ITPRID1: variants seen among roughly 807,000 people sequenced by gnomAD.
ITPRID1 encodes the protein ITPR interacting domain containing 1, also known as protein ITPRID1.
ITPRID1 carries 96 observed loss-of-function variants against 95.4 expected under a neutral mutation model. That is an observed-to-expected ratio of 1.01 (90% CI 0.85 to 1.19). The LOEUF (loss-of-function observed/expected upper bound fraction) is 1.19, where lower values mean the gene tolerates loss of function less well. Ranked by LOEUF, ITPRID1 falls within the 50% of genes most tolerant of loss-of-function variation. The pLI is 0.00. For missense variants in ITPRID1, 1,339 were observed against 1,252.9 expected (o/e 1.07, Z -1.04); for synonymous variants, 510 against 453.6 (o/e 1.12, Z -1.58).
downstream of ITPRID1, chr7:31,658,471 T>C (rs1427537547): frequency 9.3e-6 from 12 of 1,287,104 alleles, no homozygotes. Context: ...TGTAAAGAGG[T>C]TAGAGTATCA....
In ITPRID1 at chr7:31,599,603, TTC is replaced by T. The variant is rs1491409471; in HGVS notation, c.1228+16414_1228+16415del. ...TGTGTTATTTTCTTTCTTTCTTTCT[TTC>T]TTTCTTTCTTTCTTTCTTTCTTTCT... is the stretch of plus-strand genomic sequence containing the variant. On this transcript the variant is annotated intron_variant, in intron 10 of 14. Coordinates refer to ENST00000615280, the MANE Select transcript of ITPRID1 (RefSeq NM_001257967.3). Among the ~76,000 whole-genome samples, 102 of 76,346 alleles carry T rather than the reference TTC, an allele frequency of 1.3e-3. 2 individuals carry two copies. Among genetic ancestry groups the T allele is most frequent in the African/African-American group, 3.3e-3 (69 of 20,818 alleles). 50.1% of individuals were successfully genotyped at this position (76,346 alleles called of 152,430 possible). A position where few individuals can be genotyped will look rare whatever the true frequency, so the allele number is the denominator to read the frequency against.
At chr7:31,646,546 C>G (rs921348480) in intron 12 of ITPRID1, among the ~76,000 whole-genome samples, 1 of 152,164 alleles carries the variant, frequency 6.6e-6, no homozygotes, top group East Asian at 1.9e-4. Flanking sequence ...AAACCTGGGC[C>G]AGCTCCAGGG....
intron 10 of ITPRID1, among the ~76,000 whole-genome samples, chr7:31,634,265 T>C (rs2128198453): frequency 6.6e-6 from 1 of 152,338 alleles, no homozygotes; most frequent in Non-Finnish European, 1.5e-5. Flanking sequence ...CTGAAAATGG[T>C]AATTTCTAAT....
At chr7:31,516,910 T>C (rs1366052350) in intron 1 of ITPRID1, among the ~76,000 whole-genome samples, 2 of 152,200 alleles carry the variant, frequency 1.3e-5, no homozygotes, top group Non-Finnish European at 2.9e-5. Context: ...TGTCCAGAGT[T>C]TGTCCCTTCT....
At chr7:31,598,453 G>C (rs1786190665) in intron 10 of ITPRID1, among the ~76,000 whole-genome samples, 1 of 143,674 alleles carries the variant, frequency 7.0e-6, no homozygotes, top group African/African-American at 2.6e-5. Context: ...ACCCAGGCTG[G>C]AGTGCAGTGG....
chr7:31,628,463 T>G (rs2128189846), intron 10 of ITPRID1, among the ~76,000 whole-genome samples: 1 of 151,462 alleles, frequency 6.6e-6, no homozygotes, highest in East Asian at 1.9e-4. Flanking sequence ...TTTTTTTTCT[T>G]TTTTTTTCTT....
intron 10 of ITPRID1, among the ~76,000 whole-genome samples, chr7:31,615,848 G>A (rs1296136309): frequency 6.6e-6 from 1 of 151,834 alleles, no homozygotes; most frequent in Non-Finnish European, 1.5e-5. Context: ...CTGCCTCCTG[G>A]GTTCACGCCA....
At chr7:31,608,859 C>T (rs1286967175) in intron 10 of ITPRID1, among the ~76,000 whole-genome samples, 5 of 151,162 alleles carry the variant, frequency 3.3e-5, no homozygotes, top group African/African-American at 1.2e-4. Context: ...CCTTATTATC[C>T]TGGAAATAGA....
At chr7:31,554,806 A>G in intron 4 of ITPRID1, 52 bp from the exon 5 acceptor site, 2 of 1,410,224 alleles carry the variant, frequency 1.4e-6, no homozygotes, top group Non-Finnish European at 2.0e-6. Context: ...GTAATTTAGT[A>G]TAATTTATTT....
chr7:31,547,052 G>A (rs910548674), intron 1 of ITPRID1, among the ~76,000 whole-genome samples: 1 of 151,412 alleles, frequency 6.6e-6, no homozygotes, highest in Non-Finnish European at 1.5e-5. Context: ...ATGATGTGGT[G>A]AACGACATCA....
chr7:31,640,301 G>T (rs892419204), intron 10 of ITPRID1, among the ~76,000 whole-genome samples: 3 of 152,204 alleles, frequency 2.0e-5, no homozygotes, highest in African/African-American at 7.2e-5. Context: ...GATCCTTTCT[G>T]ATGGTTCTCT....
intron 1 of ITPRID1, among the ~76,000 whole-genome samples, chr7:31,529,223 C>G (rs752712832): frequency 1.3e-5 from 2 of 152,206 alleles, no homozygotes; most frequent in Non-Finnish European, 2.9e-5. Context: ...AATTGAATCT[C>G]TCCATCCTGA....
chr7:31,535,534 T>C (rs1783730996), intron 1 of ITPRID1, among the ~76,000 whole-genome samples: 1 of 152,018 alleles, frequency 6.6e-6, no homozygotes, highest in South Asian at 2.1e-4. Context: ...ATAACAGAAA[T>C]AACTTTGAAG....
At position 31,577,938 on chromosome 7, in the gene ITPRID1, T is replaced by C. The variant is rs1785244997; in HGVS notation, c.674T>C (p.Leu225Pro). Residue 225 changes from leucine to proline, a missense_variant, in exon 9 of 15, where the codon CTG becomes CCG. Coordinates refer to ENST00000615280, the MANE Select transcript of ITPRID1 (RefSeq NM_001257967.3). ...FSSLLSDVSILPNRAEEKAGG... is the reference protein window; with the variant it reads ...FSSLLSDVSIPPNRAEEKAGG... Reference sequence around the variant, plus strand: ...TCTCTGCTGAGTGATGTCAGCATCCTGCCAAACAGAGCTGAAGAGAAAGCT... The same window carrying C: ...TCTCTGCTGAGTGATGTCAGCATCCCGCCAAACAGAGCTGAAGAGAAAGCT... 6.2e-7 allele frequency: 1 copy of C among 1,613,590 alleles called. No individual in the cohort carries two copies. The highest frequency in any genetic ancestry group is 2.2e-5 in the East Asian group (1 of 44,830).
At chr7:31,650,182 A>T (rs1444259536) in intron 12 of ITPRID1, among the ~76,000 whole-genome samples, 1 of 152,206 alleles carries the variant, frequency 6.6e-6, no homozygotes, top group Non-Finnish European at 1.5e-5. Flanking sequence ...TAAGAAATAC[A>T]TATTTACAAT....
In ITPRID1 at chr7:31,643,194, G is replaced by A; in HGVS notation, c.1824G>A (p.Lys608=). ...CTGGAAATGATCATACTCAAGACAA[G>A]TTCCTTCATGTTGACTCTGAGGCCC... ...RSPGNDHTQD[K]FLHVDSEAPR... is the part of the protein sequence containing the mutation. The change falls in exon 12 of 15, where the codon AAG becomes AAA. Residue 608 remains lysine, a synonymous_variant. Coordinates refer to ENST00000615280, the MANE Select transcript of ITPRID1 (RefSeq NM_001257967.3). The A allele has an allele frequency of 2.5e-6, 4 of 1,613,962 alleles. No individual in the cohort carries two copies. Among genetic ancestry groups the A allele is most frequent in the Admixed American group, 1.7e-5 (1 of 60,022 alleles).
At chr7:31,564,777 G>C (rs1784739382) in intron 5 of ITPRID1, among the ~76,000 whole-genome samples, 1 of 152,092 alleles carries the variant, frequency 6.6e-6, no homozygotes, top group African/African-American at 2.4e-5. Flanking sequence ...GAAGCAAGTG[G>C]GATAGCGACG....
intron 10 of ITPRID1, among the ~76,000 whole-genome samples, chr7:31,635,413 G>A (rs1217241106): frequency 1.3e-5 from 2 of 152,136 alleles, no homozygotes; most frequent in African/African-American, 4.8e-5. Context: ...AGATAAATAA[G>A]CCTCTACACC....
intron 5 of ITPRID1, among the ~76,000 whole-genome samples, chr7:31,559,255 T>A (rs1784549675): frequency 6.6e-6 from 1 of 152,190 alleles, no homozygotes; most frequent in South Asian, 2.1e-4. Flanking sequence ...CATAGACAAG[T>A]CATTTCAATA....
Sources: gnomAD v4.1 joint callset for allele counts (sites outside exome capture counted in the v4.1 genomes callset) on GRCh38, gnomAD v4.1.1 for gene constraint, MANE v1.5 for transcripts, NCBI Gene and HGNC (gene_info 2026-07-23, HGNC 2026-07-21) for gene names.